The following RERG variants were observed in gnomAD, a reference collection of about 807,000 sequenced individuals.
RERG encodes the protein ras-related and estrogen-regulated growth inhibitor.
In RERG, 25 loss-of-function variants were observed where a neutral mutation model predicts 23.2. The ratio of observed to expected loss-of-function variants is 1.08; its 90% CI spans 0.79 to 1.50. The LOEUF is 1.50. Ranked by LOEUF, RERG falls within the 40% of genes most tolerant of loss-of-function variation. The pLI is 0.00. For synonymous variants in RERG, 81 were observed against 89.1 expected (o/e 0.91, Z 0.51); for missense variants, 253 against 250.1 (o/e 1.01, Z -0.08).
At chr12:15,201,230 A>C (rs909951727) in intron 2 of RERG, among the ~76,000 whole-genome samples, 2 of 151,804 alleles carry the variant, frequency 1.3e-5, no homozygotes, top group Non-Finnish European at 2.9e-5. Context: ...AGGACAAGGG[A>C]GGGAGAAGGG....
At chr12:15,161,136 GAA>G (rs1336041872) in intron 2 of RERG, among the ~76,000 whole-genome samples, 8 of 51,962 alleles carry the variant, frequency 1.5e-4, no homozygotes, top group Non-Finnish European at 3.2e-4. Flanking sequence ...CTCCATCTCA[GAA>G]AAAGAAAGAA....
chr12:15,194,351 C>T lies in RERG; in HGVS notation c.61+23078G>A, dbSNP rs148737817. Among the ~76,000 whole-genome samples, 393 of 152,220 alleles carry T rather than the reference C, an allele frequency of 2.6e-3. 1 individual carries two copies. The highest frequency in any genetic ancestry group is 8.7e-3 in the African/African-American group (362 of 41,532). ...GAAGTCACTGAATGGCCTCTTGAAA[C>T]ACTCTTTTCCTATTCTCTCACATAT... On this transcript the variant is annotated intron_variant, in intron 2 of 4. Coordinates refer to ENST00000256953, the MANE Select transcript of RERG (RefSeq NM_032918.3).
chr12:15,117,142 C>CTTT (rs3084646), intron 3 of RERG, among the ~76,000 whole-genome samples: 18,038 of 136,654 alleles, frequency 0.13, 1,457 homozygotes, highest in African/African-American at 0.15. Flanking sequence ...ACTGATTTAG[C>CTTT]TTTTTTTTTT....
chr12:15,214,035 TGTGCGCGTGTGTGG>T (rs1470587375), intron 2 of RERG, among the ~76,000 whole-genome samples: 3 of 91,866 alleles, frequency 3.3e-5, no homozygotes, highest in African/African-American at 1.7e-4. Context: ...TGTGTGTGTG[TGTGCGCGTGTGTGG>T]AGTTTTTACC....
chr12:15,137,682 T>C, intron 2 of RERG: 1 of 278,598 alleles, frequency 3.6e-6, no homozygotes, highest in South Asian at 3.8e-5. Context: ...ATAATCCTAA[T>C]TCCTCCCTCC....
At chr12:15,132,983 G>A (rs994492485) in intron 2 of RERG, among the ~76,000 whole-genome samples, 19 of 30,754 alleles carry the variant, frequency 6.2e-4, no homozygotes, top group Non-Finnish European at 3.4e-4. Context: ...CCCTGCCCCC[G>A]CCCTGCCCCC....
At chr12:15,161,435 A>G (rs1864613847) in intron 2 of RERG, among the ~76,000 whole-genome samples, 1 of 152,202 alleles carries the variant, frequency 6.6e-6, no homozygotes, top group Non-Finnish European at 1.5e-5. Flanking sequence ...CCCCTTGTAC[A>G]GTGCACAGAC....
rs557430793 is a variant in RERG at position 15,202,570 on chromosome 12, T to C, written c.61+14859A>G. Among the ~76,000 whole-genome samples, 7 of 151,848 alleles carry C rather than the reference T, an allele frequency of 4.6e-5. No individual in the cohort carries two copies. In the South Asian group the frequency reaches 8.3e-4, roughly 18 times the overall value. Reference sequence around the variant, plus strand: ...TATTTGTCCTTCTGTGGCTGACTTATTTCACTTAGCATAATGTTTTCCAGG... The same window carrying C: ...TATTTGTCCTTCTGTGGCTGACTTACTTCACTTAGCATAATGTTTTCCAGG... On this transcript the variant is annotated intron_variant, in intron 2 of 4. Transcript: ENST00000256953.
chr12:15,155,976 C>T (rs1389805976), intron 2 of RERG, among the ~76,000 whole-genome samples: 1 of 144,184 alleles, frequency 6.9e-6, no homozygotes, highest in Non-Finnish European at 1.5e-5. Context: ...GCACATGTAC[C>T]CTAAAACTTA....
At position 15,139,014 on chromosome 12, in the gene RERG, C is replaced by CTTTTTTTT. The variant is rs34755371; in HGVS notation, c.62-17903_62-17896dup. ...TGAAAGTTGTTCACCTGTGTCTAGACTTTTTTTTTTTTTTTTTTTTTTGCC... is the reference window on the plus strand; with the variant it reads ...TGAAAGTTGTTCACCTGTGTCTAGACTTTTTTTTTTTTTTTTTTTTTTTTTTTTTTGCC... On this transcript the variant is annotated intron_variant, in intron 2 of 4. Coordinates refer to ENST00000256953, the MANE Select transcript of RERG (RefSeq NM_032918.3). Among the ~76,000 whole-genome samples, 128 of 51,094 alleles carry CTTTTTTTT rather than the reference C, an allele frequency of 2.5e-3. 6 individuals are homozygous for CTTTTTTTT. The highest frequency in any genetic ancestry group is 0.028 in the Middle Eastern group (1 of 36). 33.5% of individuals were successfully genotyped at this position (51,094 alleles called of 152,430 possible).
At chr12:15,152,173 T>C (rs923644822) in intron 2 of RERG, 2 of 152,100 alleles carry the variant, frequency 1.3e-5, no homozygotes, top group African/African-American at 4.8e-5. Context: ...GCACAGAAGG[T>C]TGTACAAATA....
chr12:15,155,888 AAT>A (rs1234108958), intron 2 of RERG, among the ~76,000 whole-genome samples: 2 of 151,378 alleles, frequency 1.3e-5, no homozygotes, highest in Non-Finnish European at 2.9e-5. Flanking sequence ...ATATATATAA[AAT>A]ATATGTCATT....
At chr12:15,206,014 C>T (rs1865278219) in intron 2 of RERG, among the ~76,000 whole-genome samples, 1 of 151,996 alleles carries the variant, frequency 6.6e-6, no homozygotes, top group Non-Finnish European at 1.5e-5. Context: ...GGTTCAACTC[C>T]TATACAGCTA....
At chr12:15,211,225 A>G (rs1419428669) in intron 2 of RERG, among the ~76,000 whole-genome samples, 1 of 152,022 alleles carries the variant, frequency 6.6e-6, no homozygotes, top group African/African-American at 2.4e-5. Flanking sequence ...ACAATAGCCA[A>G]GACATGAAAA....
chr12:15,128,436 AC>A (rs1863986132), intron 2 of RERG, among the ~76,000 whole-genome samples: 1 of 80,522 alleles, frequency 1.2e-5, no homozygotes, highest in Non-Finnish European at 2.7e-5. Flanking sequence ...CATACCAGGA[AC>A]CATTTTTAGG....
At chr12:15,176,059 TAGTGTTTTCATGGCTTAGTGTGCC>T (rs1417529807) in intron 2 of RERG, among the ~76,000 whole-genome samples, 1 of 152,198 alleles carries the variant, frequency 6.6e-6, no homozygotes, top group African/African-American at 2.4e-5. Context: ...AAAACGTTAT[TAGTGTTTTCATGGCTTAGTGTGCC>T]AGTGTTTTCA....
At chr12:15,214,022 G>A (rs1865406568) in intron 2 of RERG, among the ~76,000 whole-genome samples, 2 of 132,336 alleles carry the variant, frequency 1.5e-5, no homozygotes, top group Admixed American at 7.2e-5. Flanking sequence ...GTGTGTGTGT[G>A]TGTGTGTGTG....
intron 2 of RERG, among the ~76,000 whole-genome samples, chr12:15,201,036 C>T (rs184408419): frequency 1.3e-5 from 2 of 151,910 alleles, no homozygotes; most frequent in Non-Finnish European, 2.9e-5. Flanking sequence ...GAATTTGGAA[C>T]AAAAATATTA....
chr12:15,194,501 G>A (rs1368232781), intron 2 of RERG, among the ~76,000 whole-genome samples: 13 of 49,714 alleles, frequency 2.6e-4, no homozygotes, highest in Non-Finnish European at 4.5e-4. Flanking sequence ...GAAGGAGCCC[G>A]ATCTCCCTAA....
Sources: allele counts gnomAD v4.1 joint callset (sites outside exome capture counted in the v4.1 genomes callset), GRCh38; gene constraint gnomAD v4.1.1; transcripts MANE v1.5; gene names NCBI Gene and HGNC (gene_info 2026-07-23, HGNC 2026-07-21).